Variants in LRRIQ1 observed in about 807,000 individuals in gnomAD.
The protein encoded by LRRIQ1 is leucine-rich repeat- and IQ domain-containing protein 1.
In LRRIQ1, 210 loss-of-function variants were observed where a neutral mutation model predicts 211.9. The ratio of observed to expected loss-of-function variants is 0.99; its 90% CI spans 0.89 to 1.11. LRRIQ1 has a LOEUF of 1.11. Among genes scored for constraint, LRRIQ1 ranks in the 50% most tolerant of loss-of-function variants. The pLI, the probability that LRRIQ1 is intolerant of heterozygous loss-of-function variation, is 0.00. For synonymous variants in LRRIQ1, 699 were observed against 650.1 expected (o/e 1.08, Z -1.14); for missense variants, 2,136 against 1,939.5 (o/e 1.10, Z -1.90).
intron 9 of LRRIQ1, among the ~76,000 whole-genome samples, chr12:85,065,690 T>G (rs1355376217): frequency 1.3e-5 from 2 of 151,922 alleles, no homozygotes; most frequent in Non-Finnish European, 2.9e-5. Flanking sequence ...CTTAGTAGTT[T>G]AAACCAACAA....
chr12:85,089,036 C>T (rs895016412), intron 11 of LRRIQ1, among the ~76,000 whole-genome samples: 1 of 152,206 alleles, frequency 6.6e-6, no homozygotes, highest in African/African-American at 2.4e-5. Flanking sequence ...AAAGGGAATA[C>T]TTCCAGTTTT....
chr12:85,186,480 C>T (rs1401774512), intron 24 of LRRIQ1, among the ~76,000 whole-genome samples: 4 of 151,994 alleles, frequency 2.6e-5, no homozygotes, highest in African/African-American at 4.8e-5. Flanking sequence ...CTGTAACAAG[C>T]GTAACTCCTG....
rs1482120019 is a variant in LRRIQ1 at position 85,127,862 on chromosome 12, G to A, written c.4038G>A (p.Trp1346Ter). The A allele has an allele frequency of 1.1e-5, 17 of 1,613,838 alleles. No individual in the cohort carries two copies. The highest frequency in any genetic ancestry group is 1.4e-5 in the Non-Finnish European group (17 of 1,179,968). ...IMAAVVIQSYWRGYLMRRQTH... is the reference protein window; with the variant it reads ...IMAAVVIQSY The stretch of plus-strand genomic sequence containing the variant: ...CAGCTGTGGTAATCCAGTCATACTG[G>A]CGTGGTTACCTCATGCGCAGACAGA... The change falls in exon 18 of 27, where the codon TGG becomes TGA. Residue 1346 changes from tryptophan (W) to a stop codon, truncating the protein, a stop_gained. Coordinates refer to ENST00000393217, the MANE Select transcript of LRRIQ1 (RefSeq NM_001079910.2). LOFTEE classifies it high-confidence loss of function.
chr12:85,247,348 C>A (rs1198120067), downstream of LRRIQ1, among the ~76,000 whole-genome samples: 1 of 151,572 alleles, frequency 6.6e-6, no homozygotes, highest in Non-Finnish European at 1.5e-5. Flanking sequence ...TAAAATATTT[C>A]TTTTAGCTTT....
intron 8 of LRRIQ1, among the ~76,000 whole-genome samples, chr12:85,062,718 G>A (rs1881981957): frequency 1.3e-5 from 2 of 151,694 alleles, no homozygotes; most frequent in South Asian, 2.1e-4. Context: ...TATATATCCA[G>A]TAATGGGATA....
At chr12:85,177,092 C>T (rs975915995) in intron 24 of LRRIQ1, among the ~76,000 whole-genome samples, 1 of 152,066 alleles carries the variant, frequency 6.6e-6, no homozygotes, top group African/African-American at 2.4e-5. Flanking sequence ...GTAATATACA[C>T]CACATAAAGT....
At position 85,237,535 on chromosome 12, in the gene LRRIQ1, A is replaced by C. The variant is rs191778859; in HGVS notation, c.5016+4779A>C. 3.3e-5 allele frequency among the ~76,000 whole-genome samples: 5 copies of C among 152,256 alleles called. No homozygotes were observed. In the East Asian group the frequency reaches 9.7e-4, roughly 29 times the overall value. On this transcript the variant is annotated intron_variant, in intron 26 of 26. Coordinates refer to ENST00000393217, the MANE Select transcript of LRRIQ1 (RefSeq NM_001079910.2). ...CACTATGTGACTCATTGAGGTCCAG[A>C]AGGGAACAGCTACTGGGAATATCTG...
chr12:85,233,284 A>G (rs1171229690), intron 26 of LRRIQ1, among the ~76,000 whole-genome samples: 1 of 152,030 alleles, frequency 6.6e-6, no homozygotes, highest in Non-Finnish European at 1.5e-5. Context: ...CAATTGCACT[A>G]TATGCTACTA....
chr12:85,247,740 G>T (rs1235659116), downstream of LRRIQ1, among the ~76,000 whole-genome samples: 1 of 151,530 alleles, frequency 6.6e-6, no homozygotes, highest in Non-Finnish European at 1.5e-5. Flanking sequence ...TAATTCTCTT[G>T]AGTCATTATG....
intron 24 of LRRIQ1, among the ~76,000 whole-genome samples, chr12:85,221,051 A>T (rs1894379523): frequency 6.6e-6 from 1 of 151,936 alleles, no homozygotes; most frequent in Admixed American, 6.6e-5. Context: ...ACCTCAGGTG[A>T]TCTGCCCCCA....
intron 24 of LRRIQ1, among the ~76,000 whole-genome samples, chr12:85,220,006 G>A (rs1472302883): frequency 6.6e-6 from 1 of 152,008 alleles, no homozygotes; most frequent in Non-Finnish European, 1.5e-5. Flanking sequence ...TTATTTGTGA[G>A]GTATAATGCA....
At chr12:85,130,642 T>C (rs1888685749) in intron 18 of LRRIQ1, among the ~76,000 whole-genome samples, 1 of 152,156 alleles carries the variant, frequency 6.6e-6, no homozygotes, top group Admixed American at 6.5e-5. Context: ...GTGAACTCCA[T>C]TTTCACATCT....
chr12:85,127,682 G>A, intron 17 of LRRIQ1, 150 bp from the exon 18 acceptor site: 1 of 660,974 alleles, frequency 1.5e-6, no homozygotes, highest in Non-Finnish European at 2.5e-6. Context: ...TTACTTCTAT[G>A]ACAATGGTTA....
At chr12:85,037,932 A>G (rs899253116) in intron 1 of LRRIQ1, among the ~76,000 whole-genome samples, 5 of 151,970 alleles carry the variant, frequency 3.3e-5, no homozygotes, top group Non-Finnish European at 7.4e-5. Context: ...AAACATATAA[A>G]TCAATAAGAG....
intron 19 of LRRIQ1, among the ~76,000 whole-genome samples, chr12:85,141,958 A>G (rs1889576746): frequency 6.6e-6 from 1 of 150,850 alleles, no homozygotes; most frequent in South Asian, 2.1e-4. Context: ...GCTTCCATCT[A>G]GGATCATTTT....
Position 85,198,052 on chromosome 12 carries a change from A to T in LRRIQ1, c.4823-31465A>T, listed in dbSNP as rs1392645325. ...ATATAACATATATAATATATTATAT[A>T]ATTATATATAACATATTATTTATAT... On this transcript the variant is annotated intron_variant, in intron 24 of 26. Coordinates refer to ENST00000393217, the MANE Select transcript of LRRIQ1 (RefSeq NM_001079910.2). Among the ~76,000 whole-genome samples, 158 of 39,548 alleles carry T rather than the reference A, an allele frequency of 4.0e-3. 5 individuals are homozygous for T. In the South Asian group the frequency reaches 0.052, roughly 13 times the overall value. The allele number at this position is 39,548 out of a possible 152,430, so 25.9% of individuals were successfully genotyped here.
chr12:85,217,726 A>ATATATGTATATATATGTAACTG (rs143541341), intron 24 of LRRIQ1, among the ~76,000 whole-genome samples: 1 of 144,096 alleles, frequency 6.9e-6, no homozygotes, highest in African/African-American at 2.7e-5. Context: ...ATATGTATAT[A>ATATATGTATATATATGTAACTG]TGTGTATATA....
intron 24 of LRRIQ1, among the ~76,000 whole-genome samples, chr12:85,197,831 A>C (rs1893014137): frequency 7.1e-6 from 1 of 140,944 alleles, no homozygotes; most frequent in Admixed American, 7.7e-5. Context: ...TAATAAAAAA[A>C]TAAAAAATAT....
chr12:85,046,015 C>G lies in LRRIQ1; in HGVS notation c.337-5C>G. 6.5e-7 allele frequency: 1 copy of G among 1,538,354 alleles called. No individual in the cohort carries two copies. Among genetic ancestry groups the G allele is most frequent in the South Asian group, 1.1e-5 (1 of 88,684 alleles). ...TTAATCATTGGTACTCATTTAACCT[C>G]TTAGATATTATCTGAAATAGAAAAA... On this transcript the variant is annotated splice_region_variant and splice_polypyrimidine_tract_variant and intron_variant, in intron 4 of 26. Coordinates refer to ENST00000393217, the MANE Select transcript of LRRIQ1 (RefSeq NM_001079910.2).
Sources: allele counts gnomAD v4.1 joint callset (sites outside exome capture counted in the v4.1 genomes callset), GRCh38; gene constraint gnomAD v4.1.1; transcripts MANE v1.5; gene names NCBI Gene and HGNC (gene_info 2026-07-23, HGNC 2026-07-21).